TMTC2: variants seen among roughly 807,000 people sequenced by gnomAD.
The protein encoded by TMTC2 is protein O-mannosyl-transferase TMTC2.
TMTC2 carries 43 observed loss-of-function variants against 82.4 expected under a neutral mutation model. The ratio of observed to expected loss-of-function variants is 0.52; its 90% confidence interval spans 0.41 to 0.67. TMTC2 has a LOEUF of 0.67. Ranked by LOEUF, TMTC2 falls within the 30% of genes least tolerant of loss-of-function variation. The pLI is 0.00. For missense variants in TMTC2, 919 were observed against 1,012.4 expected, an observed-to-expected ratio of 0.91 and a Z score of 1.25; for synonymous variants, 408 against 381.9, an observed-to-expected ratio of 1.07 and a Z score of -0.80.
chr12:82,866,491 C>T (rs961706572), intron 2 of TMTC2, among the ~76,000 whole-genome samples: 9 of 152,114 alleles, frequency 5.9e-5, no homozygotes, highest in South Asian at 2.1e-4. Flanking sequence ...GAAAATGACA[C>T]GCAAATTGGA....
chr12:82,832,211 T>C (rs1869786896), intron 1 of TMTC2, among the ~76,000 whole-genome samples: 1 of 152,152 alleles, frequency 6.6e-6, no homozygotes, highest in Non-Finnish European at 1.5e-5. Flanking sequence ...CTAGCTGAAT[T>C]CATTTGGCTG....
intron 1 of TMTC2, among the ~76,000 whole-genome samples, chr12:82,740,271 G>A (rs1263398377): frequency 2.6e-5 from 4 of 152,160 alleles, no homozygotes; most frequent in African/African-American, 7.2e-5. Flanking sequence ...GGGTGTGATA[G>A]GTTTTCATTT....
intron 11 of TMTC2, among the ~76,000 whole-genome samples, chr12:83,123,677 T>A (rs1222409706): frequency 6.6e-6 from 1 of 152,222 alleles, no homozygotes; most frequent in Non-Finnish European, 1.5e-5. Context: ...ATCCCCAAAT[T>A]AATTGAAATT....
Position 82,965,667 on chromosome 12 carries a change from C to T in TMTC2, c.1792C>T (p.Pro598Ser), listed in dbSNP as rs1412217974. ...GATCCCAGATGAAAACCTAAAGGAC[C>T]CTCATGCACACAAGAGCTCTGTTAC... ...SEIPDENLKD[P>S]HAHKSSVTSC... The change falls in exon 6 of 12, where the codon CCT becomes TCT. Residue 598 changes from proline to serine, a missense_variant. Transcript: ENST00000321196. The T allele has an allele frequency of 6.2e-6, 10 of 1,613,630 alleles. No individual in the cohort carries two copies. In the Admixed American group the frequency reaches 1.3e-4, roughly 22 times the overall value.
chr12:82,753,350 A>C (rs1048667382), intron 1 of TMTC2, among the ~76,000 whole-genome samples: 1 of 148,422 alleles, frequency 6.7e-6, no homozygotes, highest in East Asian at 1.9e-4. Context: ...TTTGAGGAGA[A>C]GTTTTCTGGT....
intron 3 of TMTC2, among the ~76,000 whole-genome samples, chr12:82,928,508 G>C (rs1875844625): frequency 6.6e-6 from 1 of 152,094 alleles, no homozygotes; most frequent in South Asian, 2.1e-4. Context: ...ATTTTACACT[G>C]TTTTGTCTTT....
Position 82,857,373 on chromosome 12 carries a change from C to G in TMTC2, c.447C>G (p.Leu149=), listed in dbSNP as rs978433987. The G allele has an allele frequency of 5.6e-6, 9 of 1,614,054 alleles. No homozygotes were observed. Among genetic ancestry groups the G allele is most frequent in the Admixed American group, 1.7e-5 (1 of 59,996 alleles). The change falls in exon 2 of 12, where the codon CTC becomes CTG. Residue 149 remains leucine, a synonymous_variant. Coordinates refer to ENST00000321196, the MANE Select transcript of TMTC2 (RefSeq NM_152588.3). The part of the protein sequence containing the change: ...RADVGASLFF[L]LSLLCYIKHC... ...ATGTCGGGGCCAGTCTCTTCTTTCT[C>G]CTCTCCTTGCTCTGCTACATTAAAC...
intron 4 of TMTC2, among the ~76,000 whole-genome samples, chr12:82,963,940 T>C (rs1878071487): frequency 6.7e-6 from 1 of 149,698 alleles, no homozygotes; most frequent in Non-Finnish European, 1.5e-5. Flanking sequence ...ATATATGCTT[T>C]TGACACAAGT....
At chr12:82,815,477 AT>A (rs937483476) in intron 1 of TMTC2, among the ~76,000 whole-genome samples, 1 of 150,486 alleles carries the variant, frequency 6.6e-6, no homozygotes, top group Non-Finnish European at 1.5e-5. Flanking sequence ...CGCCCAGCTA[AT>A]TTTTTTTGTA....
At chr12:82,976,827 G>A (rs565208885) in intron 7 of TMTC2, among the ~76,000 whole-genome samples, 5 of 151,926 alleles carry the variant, frequency 3.3e-5, no homozygotes, top group East Asian at 1.9e-4. Context: ...AATGATCATC[G>A]GACTGCAGGT....
intron 2 of TMTC2, among the ~76,000 whole-genome samples, chr12:82,882,156 C>G (rs1284537825): frequency 6.7e-6 from 1 of 149,886 alleles, no homozygotes; most frequent in Admixed American, 6.6e-5. Context: ...CCCGCCACTA[C>G]GCCCAGCTAA....
rs1885353961 is a variant in TMTC2 at position 83,134,040 on chromosome 12, A to G, written c.*1651A>G. 1 of 152,618 alleles carries G rather than the reference A, an allele frequency of 6.6e-6. No individual in the cohort carries two copies. Among genetic ancestry groups the G allele is most frequent in the Non-Finnish European group, 1.5e-5 (1 of 68,030 alleles). The allele number at this position is 152,618 out of a possible 1,614,324, so 9.5% of individuals were successfully genotyped here. A position where few individuals can be genotyped will look rare whatever the true frequency, so the allele number is the denominator to read the frequency against. On this transcript the variant is annotated 3_prime_UTR_variant, in exon 12 of 12. Coordinates refer to ENST00000321196, the MANE Select transcript of TMTC2 (RefSeq NM_152588.3). ...TGAATACAGTGGGATAAATAATTGA[A>G]AGTAGTGTTCCTATGGCATTAGTGT...
intron 3 of TMTC2, among the ~76,000 whole-genome samples, chr12:82,912,421 G>T (rs998587110): frequency 1.3e-5 from 2 of 152,034 alleles, no homozygotes; most frequent in Non-Finnish European, 2.9e-5. Context: ...ACCTCTCCTT[G>T]CTTAGGATAA....
intron 4 of TMTC2, among the ~76,000 whole-genome samples, chr12:82,963,543 T>A (rs1172280700): frequency 6.6e-6 from 1 of 151,366 alleles, no homozygotes; most frequent in Non-Finnish European, 1.5e-5. Flanking sequence ...AGTTAGCTAA[T>A]ATGTATGAGT....
At chr12:82,765,092 TG>T (rs1305644860) in intron 1 of TMTC2, among the ~76,000 whole-genome samples, 2 of 151,990 alleles carry the variant, frequency 1.3e-5, no homozygotes, top group African/African-American at 4.8e-5. Context: ...GGGCAAAATA[TG>T]GGGGAGGCAT....
chr12:83,132,312 G>A lies in TMTC2; in HGVS notation c.2434G>A (p.Asp812Asn), dbSNP rs766174631. The A allele has an allele frequency of 9.2e-5, 149 of 1,613,914 alleles. No homozygotes were observed. Among genetic ancestry groups the A allele is most frequent in the Non-Finnish European group, 1.2e-4 (144 of 1,179,980 alleles). ...GCGGGCCCTGCAGCTCAAGCCAGACGATGTCATCACACAGTCCAATCTCCG... is the reference window on the plus strand; with the variant it reads ...GCGGGCCCTGCAGCTCAAGCCAGACAATGTCATCACACAGTCCAATCTCCG... ...YLRALQLKPD[D>N]VITQSNLRKL... Residue 812 changes from aspartate to asparagine, a missense_variant, in exon 12 of 12, where the codon GAT becomes AAT. Physicochemically the swap from Asp to Asn is conservative, Grantham distance 23. Coordinates refer to ENST00000321196, the MANE Select transcript of TMTC2 (RefSeq NM_152588.3).
At chr12:82,767,242 C>G (rs1318685495) in intron 1 of TMTC2, among the ~76,000 whole-genome samples, 1 of 152,062 alleles carries the variant, frequency 6.6e-6, no homozygotes, top group Non-Finnish European at 1.5e-5. Flanking sequence ...TTTAATTTCT[C>G]TTTTTTCTGC....
At chr12:82,918,099 G>A (rs1305813453) in intron 3 of TMTC2, among the ~76,000 whole-genome samples, 1 of 151,922 alleles carries the variant, frequency 6.6e-6, no homozygotes, top group South Asian at 2.1e-4. Flanking sequence ...TGTATTTATT[G>A]GGGTTTTACC....
chr12:83,124,557 T>A (rs1324340638), intron 11 of TMTC2, among the ~76,000 whole-genome samples: 4 of 142,402 alleles, frequency 2.8e-5, no homozygotes, highest in Non-Finnish European at 6.0e-5. Context: ...AAGAAATTGT[T>A]GAAATCTTTT....
Sources: allele counts gnomAD v4.1 joint callset (sites outside exome capture counted in the v4.1 genomes callset), GRCh38; gene constraint gnomAD v4.1.1; transcripts MANE v1.5; gene names NCBI Gene and HGNC (gene_info 2026-07-23, HGNC 2026-07-21).